ANO10: variants seen among roughly 807,000 people sequenced by gnomAD.
ANO10 encodes the protein anoctamin-10.
ANO10 carries 77 observed loss-of-function variants against 74.7 expected under a neutral mutation model. That is an observed-to-expected ratio of 1.03 (90% confidence interval 0.86 to 1.25). ANO10 has a LOEUF of 1.25. ANO10 is among the 50% of genes most tolerant of loss of function. ANO10 has a pLI of 0.00. For synonymous variants in ANO10, 279 were observed against 284.9 expected (o/e 0.98, Z 0.21); for missense variants, 721 against 778.1 (o/e 0.93, Z 0.87).
At chr3:43,508,177 C>T (rs1313877242) in intron 11 of ANO10, among the ~76,000 whole-genome samples, 1 of 151,910 alleles carries the variant, frequency 6.6e-6, no homozygotes, top group Non-Finnish European at 1.5e-5. Flanking sequence ...CAAAAAAGAC[C>T]AAACATTAAA....
intron 1 of ANO10, among the ~76,000 whole-genome samples, chr3:43,684,394 C>A (rs1415895611): frequency 6.6e-6 from 1 of 152,078 alleles, no homozygotes; most frequent in Non-Finnish European, 1.5e-5. Context: ...CCATCTCACA[C>A]CAGTTAGAAT....
chr3:43,432,876 C>A, intron 11 of ANO10, 149 bp from the exon 12 acceptor site: 2 of 642,910 alleles, frequency 3.1e-6, no homozygotes, highest in South Asian at 1.6e-5. Context: ...ACCAAGCAGG[C>A]CCATGAGTTG....
intron 11 of ANO10, among the ~76,000 whole-genome samples, chr3:43,489,662 G>A (rs547698025): frequency 9.2e-5 from 14 of 152,166 alleles, no homozygotes; most frequent in South Asian, 2.1e-4. Flanking sequence ...GAATGAATTC[G>A]TCAATAATTT....
intron 1 of ANO10, among the ~76,000 whole-genome samples, chr3:43,671,229 G>A (rs2084055430): frequency 6.6e-6 from 1 of 152,158 alleles, no homozygotes; most frequent in Non-Finnish European, 1.5e-5. Flanking sequence ...ACAGTGTGTG[G>A]ATTATAACAT....
At chr3:43,441,708 G>GAA (rs1277861264) in intron 11 of ANO10, among the ~76,000 whole-genome samples, 1 of 151,866 alleles carries the variant, frequency 6.6e-6, no homozygotes, top group Non-Finnish European at 1.5e-5. Context: ...ATTTAAAAAA[G>GAA]AAAACTATAG....
At position 43,605,986 on chromosome 3, in the gene ANO10, C is replaced by T. The variant is rs76110549; in HGVS notation, c.-11-123G>A. The T allele has an allele frequency of 4.0e-3, 4,346 of 1,076,194 alleles. 108 individuals are homozygous for T. In the African/African-American group the frequency reaches 0.057, roughly 14 times the overall value. 66.7% of individuals were successfully genotyped at this position (1,076,194 alleles called of 1,614,324 possible). ...GCTTCCAAGATAAAAGCAAATTTCT[C>T]GTGATTCAGATGGGTTATATGACAG... On this transcript the variant is annotated intron_variant, in intron 1 of 12. Transcript: ENST00000292246.
chr3:43,459,194 A>G (rs972348397), intron 11 of ANO10, among the ~76,000 whole-genome samples: 1 of 150,410 alleles, frequency 6.6e-6, no homozygotes, highest in African/African-American at 2.5e-5. Context: ...AACCACCACC[A>G]CCCCACCTCC....
At chr3:43,406,656 TTC>T (rs2092581790) in intron 12 of ANO10, among the ~76,000 whole-genome samples, 1 of 152,222 alleles carries the variant, frequency 6.6e-6, no homozygotes, top group Non-Finnish European at 1.5e-5. Context: ...AACTGCTGCT[TTC>T]TACCCTAGTT....
At chr3:43,388,879 C>T (rs896949689) in intron 12 of ANO10, among the ~76,000 whole-genome samples, 2 of 152,254 alleles carry the variant, frequency 1.3e-5, no homozygotes, top group African/African-American at 4.8e-5. Context: ...ATACTATCTT[C>T]ATGCCAATTC....
chr3:43,369,326 G>A (rs2091521645), intron 12 of ANO10, among the ~76,000 whole-genome samples: 1 of 152,362 alleles, frequency 6.6e-6, no homozygotes, highest in East Asian at 1.9e-4. Flanking sequence ...GCCTGAGGAT[G>A]TCCACGAGGT....
chr3:43,590,658 A>G (rs1019468206), intron 4 of ANO10, among the ~76,000 whole-genome samples: 2 of 152,256 alleles, frequency 1.3e-5, no homozygotes, highest in Admixed American at 1.3e-4. Context: ...AATGGAAAAG[A>G]GAAACTATTC....
intron 1 of ANO10, among the ~76,000 whole-genome samples, chr3:43,684,035 C>G (rs780158488): frequency 2.6e-5 from 4 of 152,092 alleles, no homozygotes; most frequent in Non-Finnish European, 4.4e-5. Flanking sequence ...GACTTCATGT[C>G]TAAAACACCG....
At chr3:43,368,949 A>T (rs2091508101) in intron 12 of ANO10, among the ~76,000 whole-genome samples, 1 of 152,228 alleles carries the variant, frequency 6.6e-6, no homozygotes, top group Non-Finnish European at 1.5e-5. Flanking sequence ...GAAGAAAATC[A>T]AAATGGGAGC....
At chr3:43,586,245 T>C (rs1044709390) in intron 4 of ANO10, among the ~76,000 whole-genome samples, 1 of 151,900 alleles carries the variant, frequency 6.6e-6, no homozygotes, top group African/African-American at 2.4e-5. Context: ...GTCTGCCATG[T>C]TGGAAGAGTG....
intron 12 of ANO10, among the ~76,000 whole-genome samples, chr3:43,411,274 C>A (rs2092660881): frequency 6.6e-6 from 1 of 152,176 alleles, no homozygotes; most frequent in Non-Finnish European, 1.5e-5. Flanking sequence ...GCACAACCCA[C>A]TCTGATATCA....
chr3:43,603,944 T>C (rs1575528737), intron 2 of ANO10, among the ~76,000 whole-genome samples: 3 of 152,310 alleles, frequency 2.0e-5, no homozygotes, highest in Admixed American at 2.0e-4. Context: ...TTCAGTATCT[T>C]ATTTTCAGTA....
At chr3:43,399,729 T>C (rs1057229577) in intron 12 of ANO10, among the ~76,000 whole-genome samples, 1 of 152,240 alleles carries the variant, frequency 6.6e-6, no homozygotes, top group African/African-American at 2.4e-5. Context: ...GGCAGGCAAA[T>C]TATCTGCAGG....
chr3:43,484,875 A>G, intron 11 of ANO10: 1 of 596,012 alleles, frequency 1.7e-6, no homozygotes, highest in Non-Finnish European at 2.9e-6. Flanking sequence ...GCCAACAGGC[A>G]TGACCAATTG....
chr3:43,617,058 A>G (rs935801290), intron 1 of ANO10, among the ~76,000 whole-genome samples: 1 of 151,120 alleles, frequency 6.6e-6, no homozygotes, highest in Non-Finnish European at 1.5e-5. Flanking sequence ...TAAGGTGTAA[A>G]GCGGTGGAAA....
Sources: gnomAD v4.1 joint callset for allele counts (sites outside exome capture counted in the v4.1 genomes callset) on GRCh38, gnomAD v4.1.1 for gene constraint, MANE v1.5 for transcripts, NCBI Gene and HGNC (gene_info 2026-07-23, HGNC 2026-07-21) for gene names.